The following PTPN21 variants were observed in gnomAD, a reference collection of about 807,000 sequenced individuals.
PTPN21 encodes protein tyrosine phosphatase non-receptor type 21, also known as tyrosine-protein phosphatase non-receptor type 21.
PTPN21 carries 77 observed loss-of-function variants against 131.8 expected under a neutral mutation model. The observed-to-expected ratio is 0.58, with a 90% CI of 0.49 to 0.71. The LOEUF (loss-of-function observed/expected upper bound fraction) is 0.71, where lower values mean the gene tolerates loss of function less well. PTPN21 is among the 30% of genes least tolerant of loss of function. The pLI is 0.00. For missense variants in PTPN21, 1,552 were observed against 1,527.1 expected, an observed-to-expected ratio of 1.02 and a Z score of -0.27; for synonymous variants, 715 against 621.3, an observed-to-expected ratio of 1.15 and a Z score of -2.24.
intron 2 of PTPN21, among the ~76,000 whole-genome samples, chr14:88,521,824 T>C (rs1452445135): frequency 6.6e-6 from 1 of 152,162 alleles, no homozygotes; most frequent in African/African-American, 2.4e-5. Context: ...AAAAACAGAA[T>C]TATAAAATTT....
At chr14:88,542,103 T>G (rs1385604067) in intron 2 of PTPN21, among the ~76,000 whole-genome samples, 3 of 152,250 alleles carry the variant, frequency 2.0e-5, no homozygotes, top group African/African-American at 7.2e-5. Flanking sequence ...TCTCAAATCC[T>G]GGGTCTTTTG....
At chr14:88,527,119 G>A (rs1054781382) in intron 2 of PTPN21, among the ~76,000 whole-genome samples, 3 of 152,204 alleles carry the variant, frequency 2.0e-5, no homozygotes, top group African/African-American at 4.8e-5. Flanking sequence ...ATAAACATGT[G>A]TGTGCAAATG....
At chr14:88,530,554 T>C (rs952691987) in intron 2 of PTPN21, among the ~76,000 whole-genome samples, 1 of 142,536 alleles carries the variant, frequency 7.0e-6, no homozygotes, top group East Asian at 1.9e-4. Context: ...ATCTAACACA[T>C]AAGAACTCAC....
chr14:88,487,354 A>G (rs946964506), intron 10 of PTPN21, among the ~76,000 whole-genome samples: 4 of 152,216 alleles, frequency 2.6e-5, no homozygotes, highest in African/African-American at 9.6e-5. Context: ...CTTTGGTTAC[A>G]GTGTTCTAAG....
intron 12 of PTPN21, among the ~76,000 whole-genome samples, chr14:88,481,651 G>C (rs1279614965): frequency 6.6e-6 from 1 of 152,208 alleles, no homozygotes; most frequent in Non-Finnish European, 1.5e-5. Flanking sequence ...GGTTACAGGA[G>C]TCCAGAGGAA....
At chr14:88,500,077 T>A (rs2077986239) in intron 8 of PTPN21, among the ~76,000 whole-genome samples, 1 of 152,200 alleles carries the variant, frequency 6.6e-6, no homozygotes, top group Non-Finnish European at 1.5e-5. Context: ...TTTGCTTAGA[T>A]ACTGGTATTT....
intron 13 of PTPN21, among the ~76,000 whole-genome samples, chr14:88,477,446 T>TTA (rs369022409): frequency 1.0e-4 from 8 of 76,360 alleles, no homozygotes; most frequent in South Asian, 1.4e-3. Context: ...AAGACTGTTC[T>TTA]AAAAAAAAAA....
chr14:88,485,911 T>G, intron 10 of PTPN21, 69 bp from the exon 11 acceptor site: 2 of 934,886 alleles, frequency 2.1e-6, no homozygotes, highest in East Asian at 5.1e-5. Context: ...AAACAAGATA[T>G]AGGAATGTAA....
At chr14:88,478,450 A>G (rs1050162584) in intron 13 of PTPN21, among the ~76,000 whole-genome samples, 8 of 152,118 alleles carry the variant, frequency 5.3e-5, no homozygotes, top group Non-Finnish European at 7.3e-5. Flanking sequence ...CACACACTCC[A>G]ACCTGGAGAA....
intron 8 of PTPN21, among the ~76,000 whole-genome samples, chr14:88,497,777 TCAAACAAA>T (rs927303514): frequency 6.7e-6 from 1 of 148,742 alleles, no homozygotes; most frequent in Admixed American, 6.8e-5. Flanking sequence ...AGACACTGCC[TCAAACAAA>T]CAAACAAAGA....
intron 12 of PTPN21, among the ~76,000 whole-genome samples, chr14:88,482,424 A>G (rs2077664900): frequency 6.6e-6 from 1 of 152,130 alleles, no homozygotes; most frequent in Non-Finnish European, 1.5e-5. Flanking sequence ...CGGGAGTTTG[A>G]GACCAGCCTG....
At position 88,468,860 on chromosome 14, in the gene PTPN21, CT is replaced by C. The variant is rs565578195; in HGVS notation, c.3396+55del. 3.0e-4 allele frequency: 489 copies of C among 1,609,582 alleles called. 2 individuals carry two copies. The African/African-American group carries it at 5.7e-3, about 19-fold the overall frequency. On this transcript the variant is annotated intron_variant, in intron 18 of 18. Coordinates refer to ENST00000556564, the MANE Select transcript of PTPN21 (RefSeq NM_007039.4). ...AGAGCTATTAAGTCACTATGTCCCT[CT>C]CTTCCCCAGCCTCATTTCCACCCAA...
intron 10 of PTPN21, among the ~76,000 whole-genome samples, chr14:88,490,306 G>A (rs879614892): frequency 2.6e-5 from 4 of 152,064 alleles, no homozygotes; most frequent in Non-Finnish European, 5.9e-5. Flanking sequence ...ACCGTGACCG[G>A]CCGACATGTG....
chr14:88,547,855 G>A (rs2078805736), intron 2 of PTPN21, among the ~76,000 whole-genome samples: 1 of 152,012 alleles, frequency 6.6e-6, no homozygotes, highest in Non-Finnish European at 1.5e-5. Flanking sequence ...ACTCACTTAG[G>A]CTGATACTTC....
rs565607489 is a variant in PTPN21, at chr14:88,491,933, A to C, written c.932+4480T>G. Among the ~76,000 whole-genome samples, 320 of 152,310 alleles carry C rather than the reference A, an allele frequency of 2.1e-3. 4 individuals are homozygous for C. Among genetic ancestry groups the C allele is most frequent in the African/African-American group, 7.3e-3 (303 of 41,576 alleles). On this transcript the variant is annotated intron_variant, in intron 10 of 18. Coordinates refer to ENST00000556564, the MANE Select transcript of PTPN21 (RefSeq NM_007039.4). ...TGCCAATAAATAGCAATATTCCAAA[A>C]ACTAGAGCTGAATTTCTAAGACTCA...
rs1239330031 is a variant in PTPN21, at chr14:88,480,055, T to C, written c.1376A>G (p.Asn459Ser). The C allele has an allele frequency of 6.2e-7, 1 of 1,614,140 alleles. No individual in the cohort carries two copies. The highest frequency in any genetic ancestry group is 2.2e-5 in the East Asian group (1 of 44,876). Residue 459 changes from asparagine to serine, a missense_variant, in exon 13 of 19, where the codon AAC becomes AGC. Physicochemically the swap from Asn to Ser is conservative, Grantham distance 46. Around this residue, in one of 4 missense-constraint regions of PTPN21, gnomAD observed 1,016 missense variants for 883.5 expected, o/e 1.15. Coordinates refer to ENST00000556564, the MANE Select transcript of PTPN21 (RefSeq NM_007039.4). The stretch of plus-strand genomic sequence containing the variant: ...CCGTTCCGCATGCACCAGGCCCCTG[T>C]TGAGCTGCTTCATCACAGTCTCATA... ...PDYETVMKQLNRGLVHAERQS... is the reference protein window; with the variant it reads ...PDYETVMKQLSRGLVHAERQS...
chr14:88,550,096 TAG>T, intron 2 of PTPN21, 140 bp downstream of exon 2: 1 of 840,616 alleles, frequency 1.2e-6, no homozygotes. Flanking sequence ...GTATTTTTAG[TAG>T]AGACAGGGTT....
Position 88,468,074 on chromosome 14 carries a change from A to G in PTPN21, c.*63T>C. On this transcript the variant is annotated 3_prime_UTR_variant, in exon 19 of 19. Transcript: ENST00000556564. ...GTCAACGGGAAAGTATGAGTTAGGC[A>G]AGCGCTTTTTTTTTAAGCTGTAAAC... The G allele has an allele frequency of 7.3e-7, 1 of 1,371,124 alleles. No homozygotes were observed. The highest frequency in any genetic ancestry group is 1.0e-6 in the Non-Finnish European group (1 of 976,694). The allele number at this position is 1,371,124 out of a possible 1,614,324, so 84.9% of individuals were successfully genotyped here.
In PTPN21 at chr14:88,480,051, CCT is replaced by C; in HGVS notation, c.1378_1379del (p.Arg460GlyfsTer238). On this transcript the variant is annotated frameshift_variant, in exon 13 of 19. Transcript: ENST00000556564. LOFTEE classifies it high-confidence loss of function. ...DYETVMKQLN[R>X]GLVHAERQSH... ...TCTGCCGTTCCGCATGCACCAGGCC[CCT>C]GTTGAGCTGCTTCATCACAGTCTCA... 3.1e-6 allele frequency: 5 copies of C among 1,614,060 alleles called. No individual in the cohort carries two copies. Among genetic ancestry groups the C allele is most frequent in the Non-Finnish European group, 4.2e-6 (5 of 1,180,040 alleles).
Sources: gnomAD v4.1 joint callset for allele counts (sites outside exome capture counted in the v4.1 genomes callset) on GRCh38, gnomAD v4.1.1 for gene constraint, gnomAD v4.1.1 regional missense constraint, MANE v1.5 for transcripts, NCBI Gene and HGNC (gene_info 2026-07-23, HGNC 2026-07-21) for gene names.